CTNNA3: variants seen among roughly 807,000 people sequenced by gnomAD.
CTNNA3 encodes catenin alpha 3.
Under a neutral mutation model 95.7 loss-of-function variants are expected in CTNNA3, and 76 were observed. The ratio of observed to expected loss-of-function variants is 0.79; its 90% CI spans 0.66 to 0.96. The LOEUF (loss-of-function observed/expected upper bound fraction) is 0.96. CTNNA3 is among the 40% of genes least tolerant of loss of function. CTNNA3 has a pLI of 0.00. For synonymous variants in CTNNA3, 431 were observed against 374.4 expected (o/e 1.15, Z -1.74); for missense variants, 1,191 against 1,089.8 (o/e 1.09, Z -1.31).
At chr10:67,255,495 G>C (rs532922170) in intron 5 of CTNNA3, among the ~76,000 whole-genome samples, 9 of 152,122 alleles carry the variant, frequency 5.9e-5, no homozygotes, top group African/African-American at 2.2e-4. Context: ...ACGCTAATTG[G>C]CTCTGTGTAT....
At chr10:66,476,612 C>G (rs956642497) in intron 11 of CTNNA3, among the ~76,000 whole-genome samples, 1 of 151,760 alleles carries the variant, frequency 6.6e-6, no homozygotes, top group Non-Finnish European at 1.5e-5. Context: ...AAACTATTTA[C>G]TTTTTATTTT....
chr10:66,534,489 T>TAAAAATC (rs1337268557), intron 10 of CTNNA3, among the ~76,000 whole-genome samples: 3 of 24,574 alleles, frequency 1.2e-4, no homozygotes, highest in Non-Finnish European at 5.8e-4. Context: ...TATATATATA[T>TAAAAATC]ATATATATAT....
chr10:66,597,932 A>C (rs1211568066), intron 10 of CTNNA3, among the ~76,000 whole-genome samples: 1 of 152,082 alleles, frequency 6.6e-6, no homozygotes, highest in Non-Finnish European at 1.5e-5. Flanking sequence ...AATATATGAA[A>C]GTATTAAACA....
At chr10:67,439,087 C>T (rs1478309251) in intron 5 of CTNNA3, among the ~76,000 whole-genome samples, 2 of 152,012 alleles carry the variant, frequency 1.3e-5, no homozygotes, top group Admixed American at 1.3e-4. Context: ...TTTTTCTACT[C>T]CTCCCACAAG....
At chr10:66,328,595 G>A (rs2092284929) in intron 12 of CTNNA3, among the ~76,000 whole-genome samples, 2 of 151,578 alleles carry the variant, frequency 1.3e-5, no homozygotes, top group African/African-American at 4.8e-5. Flanking sequence ...GAAATCTCAC[G>A]GTCCATTTTA....
chr10:66,781,702 T>C (rs79446388), intron 7 of CTNNA3, among the ~76,000 whole-genome samples: 1 of 152,168 alleles, frequency 6.6e-6, no homozygotes, highest in Admixed American at 6.5e-5. Context: ...TTTTGTATTG[T>C]TTGGGAAAGT....
intron 7 of CTNNA3, among the ~76,000 whole-genome samples, chr10:66,858,166 G>T (rs925532846): frequency 6.6e-6 from 1 of 151,950 alleles, no homozygotes; most frequent in Non-Finnish European, 1.5e-5. Context: ...TGATTTTGTG[G>T]TATTTGTCTT....
At chr10:66,102,057 A>C (rs2081655129) in intron 14 of CTNNA3, among the ~76,000 whole-genome samples, 1 of 152,260 alleles carries the variant, frequency 6.6e-6, no homozygotes, top group East Asian at 1.9e-4. Flanking sequence ...ATGTTTCTGC[A>C]GAGCTTGTAT....
At chr10:67,306,680 C>A (rs1836852789) in intron 5 of CTNNA3, among the ~76,000 whole-genome samples, 1 of 152,138 alleles carries the variant, frequency 6.6e-6, no homozygotes, top group South Asian at 2.1e-4. Context: ...CTCAGAATTT[C>A]TTCTCCATCA....
intron 7 of CTNNA3, among the ~76,000 whole-genome samples, chr10:66,965,259 C>G (rs922928644): frequency 1.3e-5 from 2 of 151,704 alleles, no homozygotes; most frequent in African/African-American, 2.4e-5. Context: ...TTTTTTGGCT[C>G]GGCATGGTGG....
At chr10:66,674,011 C>A (rs1298170157) in intron 9 of CTNNA3, among the ~76,000 whole-genome samples, 1 of 111,432 alleles carries the variant, frequency 9.0e-6, no homozygotes, top group East Asian at 2.3e-4. Flanking sequence ...ACTAACTCAG[C>A]ACTTGTTAAT....
At chr10:66,508,689 A>G (rs1840550104) in intron 11 of CTNNA3, among the ~76,000 whole-genome samples, 1 of 152,092 alleles carries the variant, frequency 6.6e-6, no homozygotes, top group Admixed American at 6.5e-5. Flanking sequence ...ATCCAGTTCT[A>G]TGCATGTTAC....
intron 15 of CTNNA3, among the ~76,000 whole-genome samples, chr10:66,062,871 A>G (rs1241589339): frequency 6.6e-6 from 1 of 152,104 alleles, no homozygotes; most frequent in Non-Finnish European, 1.5e-5. Context: ...CTATGGAGTT[A>G]TGAATCCCCT....
intron 6 of CTNNA3, among the ~76,000 whole-genome samples, chr10:67,188,254 G>A (rs1862956243): frequency 6.6e-6 from 1 of 152,228 alleles, no homozygotes; most frequent in Admixed American, 6.5e-5. Context: ...CCAGCACTTT[G>A]GGAGGCACAG....
At chr10:67,462,345 C>T (rs75811604) in intron 5 of CTNNA3, among the ~76,000 whole-genome samples, 3,540 of 152,270 alleles carry the variant, frequency 0.023, 134 homozygotes, top group African/African-American at 0.076. Flanking sequence ...TCGATTAACA[C>T]ACACTTTCAA....
chr10:66,515,356 T>C (rs550984344), intron 11 of CTNNA3, among the ~76,000 whole-genome samples: 3 of 151,776 alleles, frequency 2.0e-5, no homozygotes, highest in Non-Finnish European at 4.4e-5. Flanking sequence ...TATATATATA[T>C]ATAGTATTAG....
intron 11 of CTNNA3, among the ~76,000 whole-genome samples, chr10:66,425,489 G>T (rs12777260): frequency 6.6e-6 from 1 of 151,316 alleles, no homozygotes; most frequent in Non-Finnish European, 1.5e-5. Flanking sequence ...ACTCAGATAC[G>T]CATAATTTCT....
At chr10:66,251,259 G>C (rs1417629017) in intron 13 of CTNNA3, among the ~76,000 whole-genome samples, 1 of 151,820 alleles carries the variant, frequency 6.6e-6, no homozygotes, top group Non-Finnish European at 1.5e-5. Context: ...ACACTGATCA[G>C]TCTTTGTATT....
At chr10:67,119,995 T>C (rs535543256) in intron 7 of CTNNA3, among the ~76,000 whole-genome samples, 1 of 151,994 alleles carries the variant, frequency 6.6e-6, no homozygotes, top group South Asian at 2.1e-4. Flanking sequence ...CATTTCCATA[T>C]CTTAGCTCTA....
Sources: allele counts gnomAD v4.1 joint callset (sites outside exome capture counted in the v4.1 genomes callset), GRCh38; gene constraint gnomAD v4.1.1; transcripts MANE v1.5; gene names NCBI Gene and HGNC (gene_info 2026-07-23, HGNC 2026-07-21).